The following MAP2K3 variants were observed in gnomAD, a reference collection of about 807,000 sequenced individuals.
MAP2K3 encodes the protein mitogen-activated protein kinase kinase 3, also known as dual specificity mitogen-activated protein kinase kinase 3.
In MAP2K3, 30 loss-of-function variants were observed where a neutral mutation model predicts 46.4. The ratio of observed to expected loss-of-function variants is 0.65; its 90% CI spans 0.48 to 0.88. MAP2K3 has a LOEUF of 0.88. MAP2K3 is among the 40% of genes least tolerant of loss of function. The pLI is 0.00. For missense variants in MAP2K3, 380 were observed against 464.5 expected, an observed-to-expected ratio of 0.82 and a Z score of 1.67; for synonymous variants, 189 against 176.3, an observed-to-expected ratio of 1.07 and a Z score of -0.57.
intron 1 of MAP2K3, among the ~76,000 whole-genome samples, chr17:21,290,353 C>A (rs1158030105): frequency 2.0e-5 from 2 of 100,664 alleles, no homozygotes; most frequent in African/African-American, 7.5e-5. Flanking sequence ...CTGCTCTTGC[C>A]TGGCTTAGCC....
In MAP2K3 at chr17:21,303,759, G is replaced by C. The variant is rs1390300638; in HGVS notation, c.568+525G>C. On this transcript the variant is annotated intron_variant, in intron 7 of 11. Transcript: ENST00000342679. Reference sequence around the variant, plus strand: ...TCAGTTTGTTCCTTTTTGCTGCTGAGCACAAGTCTATTTTTCCAGATTTAC... The same window carrying C: ...TCAGTTTGTTCCTTTTTGCTGCTGACCACAAGTCTATTTTTCCAGATTTAC... Among the ~76,000 whole-genome samples the C allele has an allele frequency of 2.0e-5, 3 of 152,312 alleles. No individual in the cohort carries two copies. In the East Asian group the frequency reaches 5.8e-4, roughly 29 times the overall value.
chr17:21,309,169 G>C (rs1977044775), intron 9 of MAP2K3, among the ~76,000 whole-genome samples: 2 of 152,430 alleles, frequency 1.3e-5, no homozygotes, highest in South Asian at 4.1e-4. Context: ...CTGGGCTTCA[G>C]AGCATGGCAG....
At chr17:21,298,243 C>A in intron 1 of MAP2K3, 170 bp from the exon 2 acceptor site, 1 of 974,756 alleles carries the variant, frequency 1.0e-6, no homozygotes, top group Non-Finnish European at 1.7e-6. Context: ...GCTGGTGGGC[C>A]TCCTTCCCCC....
Position 21,284,790 on chromosome 17 carries a change from C to T in MAP2K3, c.-131C>T, listed in dbSNP as rs1597794667. The T allele has an allele frequency of 4.6e-5, 49 of 1,071,098 alleles. No homozygotes were observed. Among genetic ancestry groups the T allele is most frequent in the Non-Finnish European group, 5.5e-5 (43 of 781,410 alleles). The allele number at this position is 1,071,098 out of a possible 1,614,324, so 66.3% of individuals were successfully genotyped here. A position where few individuals can be genotyped will look rare whatever the true frequency, so the allele number is the denominator to read the frequency against. On this transcript the variant is annotated 5_prime_UTR_variant, in exon 1 of 12. Coordinates refer to ENST00000342679, the MANE Select transcript of MAP2K3 (RefSeq NM_145109.3). ...CAGTCCTCGCCGCAGTCGCCGCCGC[C>T]GCCGCCGCCGCCGCCGCTGCTCCTC... is the stretch of plus-strand genomic sequence containing the variant.
intron 5 of MAP2K3, among the ~76,000 whole-genome samples, chr17:21,301,576 G>A (rs1470979856): frequency 6.6e-6 from 1 of 152,312 alleles, no homozygotes; most frequent in African/African-American, 2.4e-5. Flanking sequence ...ATCGGGCAAG[G>A]TCAGGGCTGC....
intron 1 of MAP2K3, chr17:21,291,782 G>A (rs1327868033): frequency 5.4e-4 from 194 of 361,708 alleles, no homozygotes; most frequent in African/African-American, 3.4e-3. Context: ...CATCTTAGGA[G>A]TGAGTAAACT....
At chr17:21,291,100 C>T (rs570523227) in intron 1 of MAP2K3, among the ~76,000 whole-genome samples, 2 of 152,410 alleles carry the variant, frequency 1.3e-5, no homozygotes, top group South Asian at 2.1e-4. Flanking sequence ...AAAAATTAAC[C>T]GGGCGTGGTG....
intron 1 of MAP2K3, among the ~76,000 whole-genome samples, chr17:21,294,338 TCTG>T (rs1215272787): frequency 6.6e-6 from 1 of 152,290 alleles, no homozygotes; most frequent in Non-Finnish European, 1.5e-5. Flanking sequence ...AGGGATTACT[TCTG>T]TTGTCAGAAA....
intron 3 of MAP2K3, 101 bp downstream of exon 3, chr17:21,299,027 C>A (rs1207000338): frequency 1.3e-6 from 2 of 1,530,590 alleles, no homozygotes; most frequent in Non-Finnish European, 9.0e-7. Context: ...ACTGAGGGGT[C>A]AGAGAGGGTC....
At position 21,298,928 on chromosome 17, in the gene MAP2K3, T is replaced by C. The variant is rs768100863; in HGVS notation, c.165+2T>C. 3 of 1,614,254 alleles carry C rather than the reference T, an allele frequency of 1.9e-6. No homozygotes were observed. The East Asian group carries it at 6.7e-5, about 36-fold the overall frequency. On this transcript the variant is annotated splice_donor_variant, in intron 3 of 11. Transcript: ENST00000342679. LOFTEE classifies it high-confidence loss of function. ...ACCTTCATCACCATTGGAGACAGAG[T>C]AGGTGCCAGCCGCCACCCCTGCAGG...
At chr17:21,300,522 G>T in intron 3 of MAP2K3, 23 bp from the exon 4 acceptor site, 1 of 1,591,628 alleles carries the variant, frequency 6.3e-7, no homozygotes, top group South Asian at 1.1e-5. Context: ...GCTGGCCACT[G>T]ACTCTCTTTT....
Position 21,284,899 on chromosome 17 carries a change from C to T in MAP2K3, c.-22C>T. On this transcript the variant is annotated 5_prime_UTR_variant, in exon 1 of 12. Transcript: ENST00000342679. ...CAGTCCTCTAGATTAGTCTCCACCG[C>T]CGTCCAGGACCCACTTGCAGCATGG... The T allele has an allele frequency of 2.5e-6, 4 of 1,611,818 alleles. No individual in the cohort carries two copies. The highest frequency in any genetic ancestry group is 3.4e-6 in the Non-Finnish European group (4 of 1,179,474).
chr17:21,285,076 C>G (rs1975688133), intron 1 of MAP2K3, 107 bp downstream of exon 1: 3 of 1,445,732 alleles, frequency 2.1e-6, no homozygotes, highest in Non-Finnish European at 2.8e-6. Flanking sequence ...CTCGACCTGG[C>G]AGCGGCGTCC....
chr17:21,294,606 C>T (rs1274055062), intron 1 of MAP2K3, among the ~76,000 whole-genome samples: 2 of 152,312 alleles, frequency 1.3e-5, no homozygotes, highest in African/African-American at 2.4e-5. Flanking sequence ...CACCGTGTGG[C>T]CTCTCTAAGT....
At chr17:21,306,168 C>T (rs927522398) in intron 9 of MAP2K3, among the ~76,000 whole-genome samples, 2 of 152,220 alleles carry the variant, frequency 1.3e-5, no homozygotes, top group African/African-American at 2.4e-5. Flanking sequence ...CTCTGTCCCA[C>T]CAGACTGCCC....
At chr17:21,303,315 A>T (rs1480738439) in intron 7 of MAP2K3, 81 bp downstream of exon 7, 1 of 1,591,958 alleles carries the variant, frequency 6.3e-7, no homozygotes, top group African/African-American at 1.3e-5. Flanking sequence ...TCTCCCTATG[A>T]GCAACTGTGG....
At chr17:21,289,552 C>G (rs1975824059) in intron 1 of MAP2K3, among the ~76,000 whole-genome samples, 1 of 152,158 alleles carries the variant, frequency 6.6e-6, no homozygotes, top group African/African-American at 2.4e-5. Context: ...TGGCAGGGCC[C>G]CACGACTGAT....
chr17:21,291,650 A>G (rs1314173499), intron 1 of MAP2K3: 2 of 451,300 alleles, frequency 4.4e-6, no homozygotes, highest in Admixed American at 2.4e-5. Flanking sequence ...CCTGCCCCAC[A>G]GTGTGGGAGC....
intron 9 of MAP2K3, among the ~76,000 whole-genome samples, chr17:21,310,935 C>A (rs1172369722): frequency 1.3e-4 from 20 of 152,220 alleles, no homozygotes; most frequent in Admixed American, 1.3e-3. Context: ...ACTCTCATGG[C>A]CGCTGGTCCT....
Sources: allele counts gnomAD v4.1 joint callset (sites outside exome capture counted in the v4.1 genomes callset), GRCh38; gene constraint gnomAD v4.1.1; transcripts MANE v1.5; gene names NCBI Gene and HGNC (gene_info 2026-07-23, HGNC 2026-07-21).